The following GPD2 variants were observed in gnomAD, a reference collection of about 807,000 sequenced individuals.
The protein encoded by GPD2 is glycerol-3-phosphate dehydrogenase 2.
A neutral mutation model predicts 82.4 loss-of-function variants in GPD2; 54 were observed. The ratio of observed to expected loss-of-function variants is 0.66; its 90% CI spans 0.53 to 0.82. The LOEUF is 0.82. GPD2 is among the 40% of genes least tolerant of loss of function. The probability of loss-of-function intolerance (pLI) is 0.00; values close to 1 mark genes in which losing one functional copy is unlikely to be tolerated. For synonymous variants in GPD2, 288 were observed against 306.1 expected (o/e 0.94, Z 0.62); for missense variants, 748 against 896.2 (o/e 0.83, Z 2.11).
At chr2:156,469,992 GA>G (rs1683274130) in intron 1 of GPD2, among the ~76,000 whole-genome samples, 2 of 152,074 alleles carry the variant, frequency 1.3e-5, no homozygotes, top group South Asian at 4.1e-4. Flanking sequence ...AGGAATAAAA[GA>G]ATGACTACTC....
In GPD2 at chr2:156,510,869, T is replaced by C; in HGVS notation, c.348T>C (p.His116=). 6.2e-7 allele frequency: 1 copy of C among 1,612,620 alleles called. No homozygotes were observed. The highest frequency in any genetic ancestry group is 8.5e-7 in the Non-Finnish European group (1 of 1,178,646). The part of the protein sequence containing the change: ...GTSSRSTKLI[H]GGVRYLQKAI... ...GCAGCAGAAGCACTAAATTGATCCA[T>C]GGTGGTGTGAGATATCTGCAGAAGG... is the stretch of plus-strand genomic sequence containing the variant. The change falls in exon 4 of 17, where the codon CAT becomes CAC. Residue 116 remains histidine (H), a synonymous_variant. Transcript: ENST00000438166.
At chr2:156,434,429 GAA>G (rs1688365111), upstream of GPD2, among the ~76,000 whole-genome samples, 1 of 152,158 alleles carries the variant, frequency 6.6e-6, no homozygotes, top group Non-Finnish European at 1.5e-5. Flanking sequence ...TAAAGGAAAA[GAA>G]GAGGCAGTTT....
upstream of GPD2, among the ~76,000 whole-genome samples, chr2:156,433,969 A>G (rs1409544358): frequency 1.3e-5 from 2 of 152,146 alleles, no homozygotes; most frequent in Non-Finnish European, 1.5e-5. Flanking sequence ...TCTGGGTAAC[A>G]TGTTGCATTT....
chr2:156,468,838 C>T (rs371406135), intron 1 of GPD2, among the ~76,000 whole-genome samples: 2 of 152,018 alleles, frequency 1.3e-5, no homozygotes, highest in African/African-American at 2.4e-5. Context: ...CTTTGTGTTA[C>T]GAACATTCTC....
chr2:156,475,759 A>T (rs1288541250), intron 1 of GPD2, among the ~76,000 whole-genome samples: 1 of 152,212 alleles, frequency 6.6e-6, no homozygotes, highest in Non-Finnish European at 1.5e-5. Context: ...TTACAAGTAT[A>T]GCATGCAGTT....
intron 1 of GPD2, among the ~76,000 whole-genome samples, chr2:156,463,989 A>G (rs1228462447): frequency 6.6e-6 from 1 of 152,218 alleles, no homozygotes; most frequent in Non-Finnish European, 1.5e-5. Context: ...GAAAAGAAAT[A>G]TCTTTTTCTT....
chr2:156,424,012 C>G, the GPD2 span, among the ~76,000 whole-genome samples: 1 of 152,118 alleles, frequency 6.6e-6, no homozygotes, highest in Admixed American at 6.6e-5. Flanking sequence ...CAGTAAATAG[C>G]CCTTAATATA....
intron 3 of GPD2, among the ~76,000 whole-genome samples, chr2:156,508,721 G>T (rs1227898810): frequency 6.6e-6 from 1 of 152,144 alleles, no homozygotes; most frequent in Non-Finnish European, 1.5e-5. Context: ...CTGATCTTCA[G>T]CTGAAGAAAA....
chr2:156,436,872 G>A (rs963236042), intron 1 of GPD2, among the ~76,000 whole-genome samples: 2 of 152,192 alleles, frequency 1.3e-5, no homozygotes, highest in Non-Finnish European at 2.9e-5. Flanking sequence ...GAGGAGGGCT[G>A]AGGCTTCTTT....
At chr2:156,428,677 A>C in the GPD2 span, among the ~76,000 whole-genome samples, 1 of 152,194 alleles carries the variant, frequency 6.6e-6, no homozygotes, top group Non-Finnish European at 1.5e-5. Context: ...CTTCCCATTA[A>C]ATTGTAAAAT....
upstream of GPD2, among the ~76,000 whole-genome samples, chr2:156,431,809 A>C (rs767763485): frequency 6.6e-6 from 1 of 151,086 alleles, no homozygotes; most frequent in Non-Finnish European, 1.5e-5. Context: ...ATTATATTTT[A>C]TTCTCTTTAG....
intron 1 of GPD2, among the ~76,000 whole-genome samples, chr2:156,438,408 A>G (rs1682026343): frequency 6.6e-6 from 1 of 152,244 alleles, no homozygotes; most frequent in Non-Finnish European, 1.5e-5. Context: ...AAATATGGGC[A>G]AAGAATGTAG....
At chr2:156,520,805 C>T (rs910578668) in intron 6 of GPD2, among the ~76,000 whole-genome samples, 4 of 152,016 alleles carry the variant, frequency 2.6e-5, no homozygotes, top group African/African-American at 4.8e-5. Context: ...AGGGTGGTTT[C>T]GAACACCTGA....
the GPD2 span, among the ~76,000 whole-genome samples, chr2:156,422,250 G>T: frequency 6.6e-6 from 1 of 152,158 alleles, no homozygotes; most frequent in East Asian, 1.9e-4. Flanking sequence ...TGTATGTGAT[G>T]CCCCTCTCCT....
At chr2:156,521,979 C>T (rs1685425214) in intron 6 of GPD2, among the ~76,000 whole-genome samples, 1 of 151,138 alleles carries the variant, frequency 6.6e-6, no homozygotes, top group South Asian at 2.1e-4. Flanking sequence ...TTTTTTTTGC[C>T]CCCAAATGCT....
At chr2:156,448,263 A>G (rs1196699629) in intron 1 of GPD2, among the ~76,000 whole-genome samples, 1 of 151,948 alleles carries the variant, frequency 6.6e-6, no homozygotes, top group African/African-American at 2.4e-5. Flanking sequence ...ACCTGCCACC[A>G]TGCCCGGCTA....
the GPD2 span, among the ~76,000 whole-genome samples, chr2:156,414,448 A>G: frequency 6.6e-6 from 1 of 152,194 alleles, no homozygotes; most frequent in African/African-American, 2.4e-5. Context: ...AAATTTAAAG[A>G]TTAGGTCGGT....
At position 156,579,103 on chromosome 2, in the gene GPD2, A is replaced by T; in HGVS notation, c.1898A>T (p.His633Leu). ...TGTTCCAGGTATAAGAAGAGATTTC[A>T]TAAGTTTGATGCAGACCAGAAAGGC... ...SDIDRYKKRF[H>L]KFDADQKGFI... The change falls in exon 15 of 17, where the codon CAT becomes CTT. Residue 633 changes from histidine to leucine, a missense_variant. Physicochemically the swap from His to Leu is moderately conservative, Grantham distance 99 (BLOSUM62 -3). Around this residue, in one of 3 missense-constraint regions of GPD2, gnomAD observed 692 missense variants for 809.7 expected, o/e 0.85. Transcript: ENST00000438166. 1 of 1,607,530 alleles carries T rather than the reference A, an allele frequency of 6.2e-7. No homozygotes were observed. Among genetic ancestry groups the T allele is most frequent in the South Asian group, 1.1e-5 (1 of 90,928 alleles).
chr2:156,461,573 TC>T (rs1429503130), intron 1 of GPD2, among the ~76,000 whole-genome samples: 4 of 151,990 alleles, frequency 2.6e-5, no homozygotes, highest in Non-Finnish European at 5.9e-5. Context: ...AGGCACAGGG[TC>T]TCACTATGTT....
Sources: gnomAD v4.1 joint callset for allele counts (sites outside exome capture counted in the v4.1 genomes callset) on GRCh38, gnomAD v4.1.1 for gene constraint, gnomAD v4.1.1 regional missense constraint, MANE v1.5 for transcripts, NCBI Gene and HGNC (gene_info 2026-07-23, HGNC 2026-07-21) for gene names.